NTM: variants seen among roughly 807,000 people sequenced by gnomAD.
The protein encoded by NTM is neurotrimin.
NTM carries 13 observed loss-of-function variants against 42.1 expected under a neutral mutation model. The ratio of observed to expected loss-of-function variants is 0.31; its 90% CI spans 0.20 to 0.49. The LOEUF is 0.49. NTM is among the 20% of genes least tolerant of loss of function. The pLI, the probability that NTM is intolerant of heterozygous loss-of-function variation, is 0.99. For missense variants in NTM, 373 were observed against 452.8 expected (o/e 0.82, Z 1.60); for synonymous variants, 187 against 179.2 (o/e 1.04, Z -0.35).
At chr11:131,441,476 G>A (rs1011255501) in intron 1 of NTM, among the ~76,000 whole-genome samples, 3 of 152,146 alleles carry the variant, frequency 2.0e-5, no homozygotes, top group African/African-American at 7.2e-5. Flanking sequence ...ATGCTGCACA[G>A]CAAAAACCAC....
At chr11:132,326,620 A>G (rs1012774520) in intron 7 of NTM, among the ~76,000 whole-genome samples, 2 of 152,270 alleles carry the variant, frequency 1.3e-5, no homozygotes, top group Middle Eastern at 3.4e-3. Flanking sequence ...CATCTCAGCA[A>G]CCTTCTTGGG....
chr11:132,064,535 C>T (rs1160228856), intron 2 of NTM, among the ~76,000 whole-genome samples: 1 of 152,130 alleles, frequency 6.6e-6, no homozygotes, highest in Non-Finnish European at 1.5e-5. Flanking sequence ...TGACTGTCAG[C>T]AATGAAGAGT....
intron 6 of NTM, among the ~76,000 whole-genome samples, chr11:132,311,070 G>A (rs1032174470): frequency 1.3e-5 from 2 of 152,166 alleles, no homozygotes; most frequent in African/African-American, 4.8e-5. Flanking sequence ...GAGTGGGGGA[G>A]GCCAGGAGGC....
chr11:131,977,663 G>A (rs1264869447), intron 2 of NTM, among the ~76,000 whole-genome samples: 3 of 152,164 alleles, frequency 2.0e-5, no homozygotes, highest in African/African-American at 7.2e-5. Context: ...GTAAGGGCTA[G>A]GATTGTAGAT....
chr11:131,504,995 A>G (rs1441068517), intron 1 of NTM, among the ~76,000 whole-genome samples: 1 of 152,168 alleles, frequency 6.6e-6, no homozygotes, highest in African/African-American at 2.4e-5. Flanking sequence ...GAGGCTGTTG[A>G]CATGAGTTGA....
intron 4 of NTM, among the ~76,000 whole-genome samples, chr11:132,298,072 C>T (rs2094691487): frequency 1.3e-5 from 2 of 152,118 alleles, no homozygotes; most frequent in African/African-American, 4.8e-5. Flanking sequence ...GTCAGGAGAA[C>T]CTTAACCCTT....
At chr11:131,413,396 G>C (rs115438456) in intron 1 of NTM, among the ~76,000 whole-genome samples, 1 of 152,170 alleles carries the variant, frequency 6.6e-6, no homozygotes, top group Non-Finnish European at 1.5e-5. Context: ...TGGTGAAGCC[G>C]CCGGAGTGGT....
chr11:132,293,334 TA>T (rs1044500858), intron 4 of NTM, among the ~76,000 whole-genome samples: 1 of 152,092 alleles, frequency 6.6e-6, no homozygotes, highest in African/African-American at 2.4e-5. Context: ...GTGCGGTATT[TA>T]AAAATTGGGT....
intron 4 of NTM, among the ~76,000 whole-genome samples, chr11:132,303,496 T>C (rs1371044283): frequency 6.6e-6 from 1 of 152,186 alleles, no homozygotes; most frequent in Non-Finnish European, 1.5e-5. Context: ...CAGATTAGAT[T>C]AGGGTCTACC....
At chr11:131,597,722 A>C (rs2137358819) in intron 1 of NTM, among the ~76,000 whole-genome samples, 1 of 152,322 alleles carries the variant, frequency 6.6e-6, no homozygotes, top group Admixed American at 6.5e-5. Flanking sequence ...AAATGGAGAG[A>C]ACATTCAATT....
chr11:131,511,699 A>G (rs953729886), intron 1 of NTM, among the ~76,000 whole-genome samples: 2 of 152,172 alleles, frequency 1.3e-5, no homozygotes, highest in Non-Finnish European at 2.9e-5. Flanking sequence ...TTGGGCAATC[A>G]CACTGTGGCA....
intron 2 of NTM, among the ~76,000 whole-genome samples, chr11:132,076,143 G>T (rs747815465): frequency 6.6e-6 from 1 of 152,100 alleles, no homozygotes; most frequent in Non-Finnish European, 1.5e-5. Flanking sequence ...AATCCTGCTT[G>T]CCAAATACTT....
intron 4 of NTM, among the ~76,000 whole-genome samples, chr11:132,251,039 C>T (rs1177345103): frequency 6.6e-6 from 1 of 152,124 alleles, no homozygotes; most frequent in African/African-American, 2.4e-5. Context: ...GCAAGATGAC[C>T]GAGGTCTATG....
intron 2 of NTM, among the ~76,000 whole-genome samples, chr11:131,960,901 G>C (rs773118080): frequency 7.9e-5 from 12 of 152,124 alleles, no homozygotes; most frequent in African/African-American, 1.9e-4. Flanking sequence ...GGTCAATATT[G>C]CTTTTTGAAA....
intron 1 of NTM, among the ~76,000 whole-genome samples, chr11:131,859,032 T>C (rs1358235095): frequency 6.6e-6 from 1 of 152,180 alleles, no homozygotes. Context: ...CTTCAGCTCC[T>C]AGGAAATCAT....
chr11:131,834,838 C>T (rs910700473), intron 1 of NTM, among the ~76,000 whole-genome samples: 3 of 151,892 alleles, frequency 2.0e-5, no homozygotes, highest in Non-Finnish European at 4.4e-5. Flanking sequence ...TACTGCCTCC[C>T]ATTGGATATG....
In NTM at chr11:131,500,242, G is replaced by T. The variant is rs546931764; in HGVS notation, c.82+129354G>T. On this transcript the variant is annotated intron_variant, in intron 1 of 8. Transcript: ENST00000683400. ...AGTACGCGGACTCAAGCTCAGAGCA[G>T]CTTCCACTCCTTCCTTTCTCTCTTT... 1.3e-4 allele frequency among the ~76,000 whole-genome samples: 20 copies of T among 152,286 alleles called. No homozygotes were observed. The South Asian group carries it at 4.1e-3, about 32-fold the overall frequency.
intron 3 of NTM, among the ~76,000 whole-genome samples, chr11:132,168,709 T>C (rs937433049): frequency 3.3e-5 from 5 of 152,200 alleles, no homozygotes; most frequent in African/African-American, 1.2e-4. Context: ...CTGACTCTTC[T>C]CATTTTTTTG....
chr11:131,910,731 G>GGCCGCCGCGGTCCGCTCCC (rs2054701748), intron 1 of NTM: 1 of 626,538 alleles, frequency 1.6e-6, no homozygotes, highest in African/African-American at 2.0e-5. Flanking sequence ...CCGAGCTTGG[G>GGCCGCCGCGGTCCGCTCCC]GCCGCCGCGG....
Sources: gnomAD v4.1 joint callset for allele counts (sites outside exome capture counted in the v4.1 genomes callset) on GRCh38, gnomAD v4.1.1 for gene constraint, MANE v1.5 for transcripts, NCBI Gene and HGNC (gene_info 2026-07-23, HGNC 2026-07-21) for gene names.